The following MYT1 variants were observed in gnomAD, a reference collection of about 807,000 sequenced individuals.
MYT1 encodes the protein myelin transcription factor I.
Under a neutral mutation model 123.0 loss-of-function variants are expected in MYT1, and 23 were observed. The observed-to-expected ratio is 0.19, with a 90% confidence interval of 0.13 to 0.26. MYT1 has a LOEUF of 0.26. Ranked by LOEUF, MYT1 falls within the 10% of genes least tolerant of loss-of-function variation. The probability of loss-of-function intolerance (pLI) is 1.00; values close to 1 mark genes in which losing one functional copy is unlikely to be tolerated. For missense variants in MYT1, 1,125 were observed against 1,472.5 expected, an observed-to-expected ratio of 0.76 and a Z score of 3.86; for synonymous variants, 518 against 575.3, an observed-to-expected ratio of 0.90 and a Z score of 1.43.
At chr20:64,229,752 T>C (rs898519970) in intron 18 of MYT1, among the ~76,000 whole-genome samples, 2 of 152,240 alleles carry the variant, frequency 1.3e-5, no homozygotes, top group Admixed American at 1.3e-4. Context: ...GTCCTTTTTA[T>C]GATATCTCCT....
At chr20:64,223,477 G>A in intron 16 of MYT1, 118 bp downstream of exon 16, 1 of 1,157,132 alleles carries the variant, frequency 8.6e-7, no homozygotes, top group Non-Finnish European at 1.3e-6. Context: ...GCTGGCCCCA[G>A]CTCTCCTGAG....
At chr20:64,228,574 G>C (rs941574405) in intron 18 of MYT1, among the ~76,000 whole-genome samples, 55 of 152,282 alleles carry the variant, frequency 3.6e-4, no homozygotes, top group African/African-American at 1.3e-3. Context: ...GGGGCAGGGT[G>C]GGGGCTCGTG....
intron 4 of MYT1, among the ~76,000 whole-genome samples, chr20:64,200,672 C>T (rs1422437043): frequency 1.1e-4 from 16 of 152,326 alleles, no homozygotes; most frequent in South Asian, 2.1e-4. Flanking sequence ...CAGTCTTGAT[C>T]TCTGGGAAGG....
At chr20:64,181,618 T>A (rs1211143919) in intron 1 of MYT1, among the ~76,000 whole-genome samples, 1 of 152,196 alleles carries the variant, frequency 6.6e-6, no homozygotes, top group African/African-American at 2.4e-5. Flanking sequence ...GCCTCCTGGT[T>A]TGTCCTTGTT....
Position 64,208,169 on chromosome 20 carries a change from G to A in MYT1, c.973G>A (p.Ala325Thr), listed in dbSNP as rs908267662. 20 of 1,613,708 alleles carry A rather than the reference G, an allele frequency of 1.2e-5. No homozygotes were observed. The highest frequency in any genetic ancestry group is 1.7e-5 in the Non-Finnish European group (20 of 1,179,942). Residue 325 changes from alanine (A) to threonine (T), a missense_variant, in exon 7 of 23, where the codon GCC becomes ACC. Physicochemically the swap from Ala to Thr is moderately conservative, Grantham distance 58. Around this residue, in one of 4 missense-constraint regions of MYT1, gnomAD observed 406 missense variants for 432.2 expected, o/e 0.94. Coordinates refer to ENST00000328439, the MANE Select transcript of MYT1 (RefSeq NM_004535.3). This position sits in a 1 kb window ranked among gnomAD's most constrained non-coding sequence, Gnocchi z 5.4. ...CACCTCTCACACCTCTGCCCAGAAG[G>A]CCCCTGAGCTCCGGGGCCCAGAATC... ...EDTSHTSAQKAPELRGPESPS... is the reference protein window; with the variant it reads ...EDTSHTSAQKTPELRGPESPS...
Position 64,202,266 on chromosome 20 carries a change from A to G in MYT1, c.86+2344A>G, listed in dbSNP as rs1176694388. On this transcript the variant is annotated intron_variant, in intron 4 of 22. Transcript: ENST00000328439. The surrounding 1 kb of genome is among the most constrained non-coding windows in gnomAD (Gnocchi z 5.0). ...GCAGGACCCTGAGCTGCTATTTCCG[A>G]CCTCGGAGCCCACTGGGAGTGCCTG... Among the ~76,000 whole-genome samples the G allele has an allele frequency of 6.6e-6, 1 of 152,044 alleles. No homozygotes were observed. The highest frequency in any genetic ancestry group is 1.5e-5 in the Non-Finnish European group (1 of 68,004).
intron 5 of MYT1, 28 bp from the exon 6 acceptor site, chr20:64,205,525 C>T: frequency 2.5e-6 from 4 of 1,611,514 alleles, no homozygotes; most frequent in Non-Finnish European, 3.4e-6. Context: ...TAGCCTGGTC[C>T]TCTCCACTGC....
chr20:64,239,679 T>C, intron 21 of MYT1, 81 bp from the exon 22 acceptor site: 1 of 1,580,898 alleles, frequency 6.3e-7, no homozygotes, highest in East Asian at 2.2e-5. Flanking sequence ...TCCCAGAGGG[T>C]TGTGAGAGGC....
rs138198823 is a variant in MYT1, at chr20:64,240,507, C to CCCGCA, written c.*63_*67dup. 5.6e-3 allele frequency: 8,683 copies of CCCGCA among 1,550,380 alleles called. 361 individuals are homozygous for CCCGCA. In the African/African-American group the frequency reaches 0.095, roughly 17 times the overall value. On this transcript the variant is annotated 3_prime_UTR_variant, in exon 23 of 23. Coordinates refer to ENST00000328439, the MANE Select transcript of MYT1 (RefSeq NM_004535.3). The stretch of plus-strand genomic sequence containing the variant: ...ACACCGTTTACCTCCCTCGCCCTGC[C>CCCGCA]CCGCACCGTGGGGATGCCCAACTCA...
intron 2 of MYT1, among the ~76,000 whole-genome samples, chr20:64,197,154 C>T (rs191959372): frequency 2.2e-4 from 33 of 152,344 alleles, no homozygotes; most frequent in Non-Finnish European, 3.4e-4. Flanking sequence ...AATAAACGCA[C>T]GGCTCACAGC....
At chr20:64,236,339 C>A (rs1283591238) in intron 19 of MYT1, among the ~76,000 whole-genome samples, 29 of 74,778 alleles carry the variant, frequency 3.9e-4, no homozygotes, top group African/African-American at 1.4e-3. Context: ...GGGCTGGCCG[C>A]GGTGGGTGAC....
At chr20:64,229,005 T>G (rs190726539) in intron 18 of MYT1, among the ~76,000 whole-genome samples, 88 of 152,326 alleles carry the variant, frequency 5.8e-4, no homozygotes, top group African/African-American at 1.7e-3. Context: ...ATTGGGTTGC[T>G]CCTCCTGGTA....
At chr20:64,195,363 TG>T in intron 2 of MYT1, among the ~76,000 whole-genome samples, 1 of 91,984 alleles carries the variant, frequency 1.1e-5, no homozygotes, top group Non-Finnish European at 2.2e-5. Context: ...ACTGTGTGTG[TG>T]TGTGTGTGTG....
Position 64,240,870 on chromosome 20 carries a change from C to A in MYT1, c.*422C>A, listed in dbSNP as rs980282300. ...GAGTGGCATCTTGGCCTGGAGGACA[C>A]GCCTGGGGCAGCGTGTCTGTGCTCA... On this transcript the variant is annotated 3_prime_UTR_variant, in exon 23 of 23. Transcript: ENST00000328439. 4.0e-5 allele frequency: 7 copies of A among 173,036 alleles called. No individual in the cohort carries two copies. Among genetic ancestry groups the A allele is most frequent in the Non-Finnish European group, 8.7e-5 (7 of 80,808 alleles). The allele number at this position is 173,036 out of a possible 1,614,324, so 10.7% of individuals were successfully genotyped here.
At chr20:64,211,955 C>G in intron 8 of MYT1, 93 bp from the exon 9 acceptor site, 3 of 1,057,542 alleles carry the variant, frequency 2.8e-6, no homozygotes, top group Non-Finnish European at 4.3e-6. Flanking sequence ...GGACAAGGCT[C>G]CTGCACCCTC....
rs751945077 is a variant in MYT1 at position 64,223,370 on chromosome 20, G to A, written c.2528+11G>A. On this transcript the variant is annotated intron_variant, in intron 16 of 22. Transcript: ENST00000328439. ...CTCTGCTGACCTCAAGTATGTTTGC[G>A]CTCCCTGACCTCCTGTCTCTTGGGC... 18 of 1,613,718 alleles carry A rather than the reference G, an allele frequency of 1.1e-5. No individual in the cohort carries two copies. The highest frequency in any genetic ancestry group is 2.7e-5 in the African/African-American group (2 of 74,898).
intron 1 of MYT1, among the ~76,000 whole-genome samples, chr20:64,171,874 C>G (rs867394227): frequency 1.3e-5 from 2 of 151,604 alleles, no homozygotes; most frequent in African/African-American, 4.8e-5. Flanking sequence ...TCTGGAGGAA[C>G]CCAAACCCTA....
chr20:64,236,314 G>A (rs1425757200), intron 19 of MYT1, among the ~76,000 whole-genome samples: 6 of 144,632 alleles, frequency 4.1e-5, no homozygotes, highest in African/African-American at 7.7e-5. Context: ...TGGGATGGCC[G>A]CGGTGGGTGA....
intron 4 of MYT1, among the ~76,000 whole-genome samples, chr20:64,200,407 C>T (rs1983261701): frequency 6.6e-6 from 1 of 152,220 alleles, no homozygotes; most frequent in South Asian, 2.1e-4. Context: ...CGTTTCCTTC[C>T]TGCTTCTCAG....
Sources: allele counts gnomAD v4.1 joint callset (sites outside exome capture counted in the v4.1 genomes callset), GRCh38; gene constraint gnomAD v4.1.1; regional missense constraint gnomAD v4.1.1; non-coding constraint Gnocchi (gnomAD v3.1); transcripts MANE v1.5; gene names NCBI Gene and HGNC (gene_info 2026-07-23, HGNC 2026-07-21).